SMARCA2: variants seen among roughly 807,000 people sequenced by gnomAD.
The protein encoded by SMARCA2 is SWI/SNF related BAF chromatin remodeling complex subunit ATPase 2.
SMARCA2 carries 61 observed loss-of-function variants against 199.8 expected under a neutral mutation model. The ratio of observed to expected loss-of-function variants is 0.31; its 90% CI spans 0.25 to 0.38. The LOEUF is 0.38. Among genes scored for constraint, SMARCA2 ranks in the 10% least tolerant of loss-of-function variants. The pLI is 1.00. For synonymous variants in SMARCA2, 935 were observed against 732.0 expected, an observed-to-expected ratio of 1.28 and a Z score of -4.48; for missense variants, 1,344 against 2,012.2, an observed-to-expected ratio of 0.67 and a Z score of 6.35.
intron 24 of SMARCA2, among the ~76,000 whole-genome samples, chr9:2,111,324 C>A (rs1347617304): frequency 2.6e-5 from 4 of 151,182 alleles, no homozygotes; most frequent in East Asian, 3.9e-4. Context: ...CCTGTCTCTA[C>A]AAAAAAATAC....
chr9:2,145,595 T>G (rs1270480199), intron 27 of SMARCA2, among the ~76,000 whole-genome samples: 1 of 152,108 alleles, frequency 6.6e-6, no homozygotes, highest in Non-Finnish European at 1.5e-5. Flanking sequence ...TGCAGAGAGT[T>G]TGATGCTAGA....
intron 27 of SMARCA2, among the ~76,000 whole-genome samples, chr9:2,124,242 T>C (rs977516974): frequency 2.0e-5 from 3 of 152,224 alleles, no homozygotes; most frequent in African/African-American, 7.2e-5. Flanking sequence ...CACTAATGTT[T>C]TATGACCAAT....
intron 23 of SMARCA2, among the ~76,000 whole-genome samples, chr9:2,105,877 T>G (rs1822733776): frequency 6.6e-6 from 1 of 152,200 alleles, no homozygotes; most frequent in African/African-American, 2.4e-5. Flanking sequence ...ATTTCCAATC[T>G]CAGGTCTCTG....
At chr9:2,107,560 C>T (rs912221571) in intron 23 of SMARCA2, among the ~76,000 whole-genome samples, 19 of 152,126 alleles carry the variant, frequency 1.2e-4, no homozygotes, top group East Asian at 1.9e-4. Flanking sequence ...TCAGGTGATC[C>T]GCCCACCTTG....
intron 10 of SMARCA2, among the ~76,000 whole-genome samples, chr9:2,070,833 C>G (rs75410053): frequency 3.3e-4 from 51 of 152,274 alleles, no homozygotes; most frequent in African/African-American, 1.2e-3. Flanking sequence ...CACAGTTTCT[C>G]TAGTTTATTA....
At chr9:2,083,752 C>T (rs779384477) in intron 16 of SMARCA2, among the ~76,000 whole-genome samples, 1 of 152,252 alleles carries the variant, frequency 6.6e-6, no homozygotes. Flanking sequence ...GGCAATTACC[C>T]GGATGCCCGG....
intron 26 of SMARCA2, among the ~76,000 whole-genome samples, chr9:2,122,657 T>G (rs1255938583): frequency 1.3e-5 from 2 of 152,238 alleles, no homozygotes; most frequent in African/African-American, 4.8e-5. Flanking sequence ...AGAGGTCATA[T>G]TTGGGTTTGC....
intron 4 of SMARCA2, chr9:2,040,240 C>A (rs1819547927): frequency 2.0e-6 from 1 of 504,442 alleles, no homozygotes. Context: ...TAGTGCATTT[C>A]ATCCCCAGAA....
chr9:2,181,527 A>G, intron 29 of SMARCA2, 44 bp from the exon 30 acceptor site: 1 of 910,218 alleles, frequency 1.1e-6, no homozygotes, highest in Non-Finnish European at 1.8e-6. Flanking sequence ...TTCCTCAGTA[A>G]TGTTTGATGT....
chr9:2,063,625 C>T (rs543804450), intron 9 of SMARCA2, among the ~76,000 whole-genome samples: 1 of 152,282 alleles, frequency 6.6e-6, no homozygotes, highest in South Asian at 2.1e-4. Context: ...TGAAGGACAA[C>T]TAAGCTACTG....
chr9:2,178,399 G>C (rs1318304590), intron 29 of SMARCA2, among the ~76,000 whole-genome samples: 1 of 152,076 alleles, frequency 6.6e-6, no homozygotes, highest in Non-Finnish European at 1.5e-5. Context: ...TTTTTGTCTG[G>C]GAAGTAGTGT....
At chr9:2,060,280 A>G (rs1463950735) in intron 8 of SMARCA2, among the ~76,000 whole-genome samples, 2 of 152,114 alleles carry the variant, frequency 1.3e-5, no homozygotes, top group Non-Finnish European at 2.9e-5. Context: ...TTTTTGAAAT[A>G]TTTATGAATG....
At chr9:2,052,501 G>A (rs1042311664) in intron 5 of SMARCA2, among the ~76,000 whole-genome samples, 2 of 152,108 alleles carry the variant, frequency 1.3e-5, no homozygotes, top group African/African-American at 4.8e-5. Context: ...AAACAATAAC[G>A]ACAGCACGGT....
intron 27 of SMARCA2, among the ~76,000 whole-genome samples, chr9:2,124,690 A>C (rs565508008): frequency 6.6e-6 from 1 of 152,302 alleles, no homozygotes; most frequent in African/African-American, 2.4e-5. Context: ...TTTCCTTTGG[A>C]AAATGGTGAT....
intron 4 of SMARCA2, chr9:2,040,568 G>A (rs1372589650): frequency 6.6e-6 from 1 of 152,364 alleles, no homozygotes; most frequent in East Asian, 1.9e-4. Flanking sequence ...TTCCTTACCA[G>A]TTTCTCAGAA....
At chr9:2,192,543 G>C (rs534918865) in intron 33 of SMARCA2, 161 bp from the exon 34 acceptor site, 7 of 680,824 alleles carry the variant, frequency 1.0e-5, no homozygotes, top group South Asian at 8.0e-5. Context: ...AGAGACTGTC[G>C]ATGCCTCTTT....
Position 2,056,268 on chromosome 9 carries a change from C to A in SMARCA2, c.1174-404C>A, listed in dbSNP as rs1425668758. Among the ~76,000 whole-genome samples the A allele has an allele frequency of 1.3e-5, 2 of 152,216 alleles. No homozygotes were observed. Among genetic ancestry groups the A allele is most frequent in the South Asian group, 2.1e-4 (1 of 4,828 alleles). ...TTCTTTTATTCTTTTTTTGGAGCAT[C>A]ATTAAAATTAATCTTTAAACACAAA... On this transcript the variant is annotated intron_variant, in intron 6 of 33. Coordinates refer to ENST00000349721, the MANE Select transcript of SMARCA2 (RefSeq NM_003070.5). This position sits in a 1 kb window ranked among gnomAD's most constrained non-coding sequence, Gnocchi z 4.0.
chr9:2,037,793 G>C (rs746499021), intron 3 of SMARCA2, among the ~76,000 whole-genome samples: 3 of 152,094 alleles, frequency 2.0e-5, no homozygotes, highest in African/African-American at 4.8e-5. Flanking sequence ...CCATATTCTG[G>C]GACACCTTTG....
At position 2,159,872 on chromosome 9, in the gene SMARCA2, C is replaced by G. The variant is rs747789267; in HGVS notation, c.3982-1814C>G. The G allele has an allele frequency of 1.2e-4, 188 of 1,611,970 alleles. No individual in the cohort carries two copies. The highest frequency in any genetic ancestry group is 4.9e-4 in the Middle Eastern group (3 of 6,082). Reference sequence around the variant, plus strand: ...GGCTTGTTAATTTTATCCCCACTAACTGTGATTTCTGATAGCCGGCCTGCT... The same window carrying G: ...GGCTTGTTAATTTTATCCCCACTAAGTGTGATTTCTGATAGCCGGCCTGCT... On this transcript the variant is annotated intron_variant, in intron 27 of 33. Coordinates refer to ENST00000349721, the MANE Select transcript of SMARCA2 (RefSeq NM_003070.5).
Sources: allele counts gnomAD v4.1 joint callset (sites outside exome capture counted in the v4.1 genomes callset), GRCh38; gene constraint gnomAD v4.1.1; non-coding constraint Gnocchi (gnomAD v3.1); transcripts MANE v1.5; gene names NCBI Gene and HGNC (gene_info 2026-07-23, HGNC 2026-07-21).